PTPRE: variants seen among roughly 807,000 people sequenced by gnomAD.
PTPRE encodes protein tyrosine phosphatase receptor type E, also known as receptor-type tyrosine-protein phosphatase epsilon.
PTPRE carries 51 observed loss-of-function variants against 102.0 expected under a neutral mutation model. That is an observed-to-expected ratio of 0.50 (90% CI 0.40 to 0.63). The LOEUF is 0.63. Ranked by LOEUF, PTPRE falls within the 30% of genes least tolerant of loss-of-function variation. The pLI is 0.00. For missense variants in PTPRE, 752 were observed against 915.1 expected (o/e 0.82, Z 2.30); for synonymous variants, 345 against 348.2 (o/e 0.99, Z 0.10).
At chr10:128,020,834 G>A (rs1845812876) in intron 2 of PTPRE, among the ~76,000 whole-genome samples, 1 of 152,130 alleles carries the variant, frequency 6.6e-6, no homozygotes, top group Admixed American at 6.5e-5. Context: ...TTTAGAGGAA[G>A]CGGTGTGATT....
chr10:128,068,632 T>G, intron 12 of PTPRE: 1 of 178,594 alleles, frequency 5.6e-6, no homozygotes, highest in Non-Finnish European at 1.2e-5. Flanking sequence ...GCCCCCTGGT[T>G]TCTACAGGAA....
chr10:128,062,222 T>C (rs1057454728), intron 9 of PTPRE, among the ~76,000 whole-genome samples: 1 of 152,192 alleles, frequency 6.6e-6, no homozygotes, highest in African/African-American at 2.4e-5. Context: ...TCAGTGGAGC[T>C]GAAACCAGAT....
At chr10:127,969,709 G>A (rs1334540359) in intron 1 of PTPRE, among the ~76,000 whole-genome samples, 1 of 151,202 alleles carries the variant, frequency 6.6e-6, no homozygotes, top group African/African-American at 2.4e-5. Context: ...ATGCAGACAT[G>A]AGCTTTGTGT....
intron 7 of PTPRE, among the ~76,000 whole-genome samples, chr10:128,059,149 A>T (rs905248418): frequency 6.6e-6 from 1 of 152,240 alleles, no homozygotes; most frequent in Admixed American, 6.5e-5. Flanking sequence ...GTGCTTTTCT[A>T]TAGCTGTCCT....
At chr10:127,979,929 T>C (rs2135457140) in intron 1 of PTPRE, among the ~76,000 whole-genome samples, 1 of 152,332 alleles carries the variant, frequency 6.6e-6, no homozygotes, top group Middle Eastern at 3.4e-3. Context: ...ATCATTTCTA[T>C]CAATCCTCTT....
In PTPRE at chr10:128,085,777, G is replaced by T. The variant is rs1272373223; in HGVS notation, c.*2871G>T. 4 of 151,556 alleles carry T rather than the reference G, an allele frequency of 2.6e-5. No homozygotes were observed. The highest frequency in any genetic ancestry group is 6.6e-5 in the Admixed American group (1 of 15,080). The allele number at this position is 151,556 out of a possible 1,614,324, so 9.4% of individuals were successfully genotyped here. On this transcript the variant is annotated 3_prime_UTR_variant, in exon 21 of 21. Transcript: ENST00000254667. The stretch of plus-strand genomic sequence containing the variant: ...TGCTCTGATTATAATGCCAGTGAAT[G>T]TTGCTGAACTCTTTGTATATGCAAA...
chr10:128,065,896 C>T (rs565903508), intron 10 of PTPRE, among the ~76,000 whole-genome samples, 179 bp from the exon 11 acceptor site: 4 of 152,288 alleles, frequency 2.6e-5, no homozygotes, highest in African/African-American at 9.6e-5. Context: ...CTGCTGTTCA[C>T]CAGTTACGCA....
chr10:128,052,159 C>T (rs893069768), intron 6 of PTPRE, among the ~76,000 whole-genome samples: 9 of 152,232 alleles, frequency 5.9e-5, no homozygotes, highest in Non-Finnish European at 7.3e-5. Context: ...TCTGAGAGCA[C>T]TGGAGCCTGC....
intron 5 of PTPRE, 126 bp downstream of exon 5, chr10:128,047,963 C>G: frequency 1.1e-6 from 1 of 906,696 alleles, no homozygotes; most frequent in South Asian, 1.8e-5. Flanking sequence ...TTTCATCTCA[C>G]TCTACCTGGT....
chr10:127,934,248 A>T (rs1224311595), intron 1 of PTPRE: 1 of 152,074 alleles, frequency 6.6e-6, no homozygotes, highest in East Asian at 1.9e-4. Flanking sequence ...AGGAGTTCAC[A>T]CCTCACTGGT....
At chr10:128,078,048 C>T (rs1851381547) in intron 19 of PTPRE, among the ~76,000 whole-genome samples, 1 of 152,246 alleles carries the variant, frequency 6.6e-6, no homozygotes, top group South Asian at 2.1e-4. Flanking sequence ...ACCACTCAAA[C>T]ACACATTTCC....
chr10:127,942,401 A>G (rs978078747), intron 1 of PTPRE, among the ~76,000 whole-genome samples: 1 of 152,268 alleles, frequency 6.6e-6, no homozygotes, highest in African/African-American at 2.4e-5. Flanking sequence ...AAGCAAATCA[A>G]CTAACAAAGC....
rs764427858 is a variant in PTPRE, at chr10:128,047,833, G to A, written c.279G>A (p.Glu93=). The A allele has an allele frequency of 7.5e-6, 12 of 1,599,676 alleles. No individual in the cohort carries two copies. Among genetic ancestry groups the A allele is most frequent in the Non-Finnish European group, 1.0e-5 (12 of 1,169,470 alleles). ...DKKMPNGILE[E]QEQQRVMLLS... The stretch of plus-strand genomic sequence containing the variant: ...AGATGCCCAACGGAATCTTGGAGGA[G>A]CAAGGTACAGAAGCTGCTCTCTGGC... The change falls in exon 5 of 21, where the codon GAG becomes GAA. Residue 93 remains glutamate, a synonymous_variant. Transcript: ENST00000254667.
chr10:127,961,994 GGAGA>G (rs1333529575), intron 1 of PTPRE, among the ~76,000 whole-genome samples: 1 of 152,226 alleles, frequency 6.6e-6, no homozygotes, highest in Non-Finnish European at 1.5e-5. Context: ...CTCCAGGGTA[GGAGA>G]GAGACTCCAT....
At chr10:128,032,321 T>C (rs11016024) in intron 2 of PTPRE, among the ~76,000 whole-genome samples, 69,442 of 151,948 alleles carry the variant, frequency 0.46, 16,274 homozygotes, top group East Asian at 0.62. Flanking sequence ...TGGCTGAAAA[T>C]TAAACTTTTA....
chr10:128,047,467 C>G lies in PTPRE; in HGVS notation c.187C>G (p.Leu63Val), dbSNP rs149070542. ...GCTGCTGCTCCTCCTCCTCGTGCTC[C>G]TTCTCGCCGCCTACTTCTTCAGGTA... ...LPLLLLLLVL[L>V]LAAYFFRFRK... Residue 63 changes from leucine (L) to valine (V), a missense_variant, in exon 4 of 21, where the codon CTT (leucine) becomes GTT (valine). Leu to Val is a conservative substitution (Grantham distance 32). Around this residue, in one of 2 missense-constraint regions of PTPRE, gnomAD observed 116 missense variants for 90.8 expected, o/e 1.28. Coordinates refer to ENST00000254667, the MANE Select transcript of PTPRE (RefSeq NM_006504.6). The G allele has an allele frequency of 6.2e-7, 1 of 1,613,470 alleles. No homozygotes were observed. The highest frequency in any genetic ancestry group is 1.3e-5 in the African/African-American group (1 of 75,054).
chr10:128,052,248 G>T (rs1848617423), intron 6 of PTPRE, among the ~76,000 whole-genome samples: 1 of 152,154 alleles, frequency 6.6e-6, no homozygotes, highest in African/African-American at 2.4e-5. Context: ...TCTGATCTGA[G>T]CTCCTCTCCC....
chr10:128,082,564 T>A (rs1341543220), intron 20 of PTPRE, among the ~76,000 whole-genome samples: 1 of 152,050 alleles, frequency 6.6e-6, no homozygotes, highest in African/African-American at 2.4e-5. Context: ...TTTTCCAGTT[T>A]CAATGTGAAA....
Position 127,944,923 on chromosome 10 carries a change from C to T in PTPRE, c.-30-37351C>T, listed in dbSNP as rs184251373. 6.6e-5 allele frequency among the ~76,000 whole-genome samples: 10 copies of T among 152,168 alleles called. No individual in the cohort carries two copies. The highest frequency in any genetic ancestry group is 1.3e-4 in the Non-Finnish European group (9 of 67,976). On this transcript the variant is annotated intron_variant, in intron 1 of 20. Transcript: ENST00000254667. The surrounding 1 kb of genome is among the most constrained non-coding windows in gnomAD (Gnocchi z 4.2). Reference sequence around the variant, plus strand: ...TTTAGATGTGTGGGGAAAAAGAGGGCGGCATCTAGAGTGACCCCCAGTGGG... The same window carrying T: ...TTTAGATGTGTGGGGAAAAAGAGGGTGGCATCTAGAGTGACCCCCAGTGGG...
Sources: gnomAD v4.1 joint callset for allele counts (sites outside exome capture counted in the v4.1 genomes callset) on GRCh38, gnomAD v4.1.1 for gene constraint, gnomAD v4.1.1 regional missense constraint, Gnocchi (gnomAD v3.1) non-coding constraint, MANE v1.5 for transcripts, NCBI Gene and HGNC (gene_info 2026-07-23, HGNC 2026-07-21) for gene names.